Variants in KDM4B observed in about 807,000 individuals in gnomAD.
KDM4B encodes the protein lysine-specific demethylase 4B.
In KDM4B, 32 loss-of-function variants were observed where a neutral mutation model predicts 125.2. That is an observed-to-expected ratio of 0.26 (90% CI 0.19 to 0.34). The LOEUF (loss-of-function observed/expected upper bound fraction) is 0.34. KDM4B is among the 10% of genes least tolerant of loss of function. KDM4B has a pLI of 1.00. For missense variants in KDM4B, 1,190 were observed against 1,577.7 expected (o/e 0.75, Z 4.16); for synonymous variants, 721 against 677.9 (o/e 1.06, Z -0.99).
Position 5,131,297 on chromosome 19 carries a change from G to T in KDM4B, c.1537G>T (p.Val513Leu). The change falls in exon 12 of 23, where the codon GTG becomes TTG. Residue 513 changes from valine (V) to leucine (L), a missense_variant. Physicochemically the swap from Val to Leu is conservative, Grantham distance 32. Coordinates refer to ENST00000159111, the MANE Select transcript of KDM4B (RefSeq NM_015015.3). ...ACCCCTTAATGTCGTGCCCCCTGAG[G>T]TGCCCAGTGAGGAGCTAGAGGCCAA... ...PAPLNVVPPE[V>L]PSEELEAKPR... is the part of the protein sequence containing the mutation. 1.2e-6 allele frequency: 2 copies of T among 1,612,202 alleles called. No homozygotes were observed. The highest frequency in any genetic ancestry group is 1.7e-6 in the Non-Finnish European group (2 of 1,179,792).
intron 9 of KDM4B, among the ~76,000 whole-genome samples, chr19:5,098,188 A>G (rs889616602): frequency 1.3e-5 from 2 of 152,224 alleles, no homozygotes; most frequent in Admixed American, 6.5e-5. Flanking sequence ...TAGAAGCCCC[A>G]TTAACAGCAG....
intron 8 of KDM4B, chr19:5,077,761 G>T: frequency 2.5e-6 from 1 of 395,230 alleles, no homozygotes; most frequent in Non-Finnish European, 4.6e-6. Context: ...GGGGCTGCAG[G>T]GGTGGAAGGG....
chr19:4,972,841 C>G (rs2034308162), intron 1 of KDM4B, among the ~76,000 whole-genome samples: 2 of 152,214 alleles, frequency 1.3e-5, no homozygotes, highest in Non-Finnish European at 2.9e-5. Flanking sequence ...AGGGTGGCAG[C>G]TTCCACCTGA....
At chr19:5,054,520 A>G (rs1262322526) in intron 6 of KDM4B, among the ~76,000 whole-genome samples, 1 of 152,096 alleles carries the variant, frequency 6.6e-6, no homozygotes, top group Admixed American at 6.5e-5. Flanking sequence ...ACACATGTAC[A>G]TGTGTTTGTT....
chr19:5,054,457 AG>A (rs2037330034), intron 6 of KDM4B, among the ~76,000 whole-genome samples: 3 of 117,668 alleles, frequency 2.5e-5, no homozygotes, highest in Non-Finnish European at 5.3e-5. Flanking sequence ...CCTGAGAGAG[AG>A]AGAATGTGTG....
At chr19:5,038,602 C>T (rs967314302) in intron 3 of KDM4B, among the ~76,000 whole-genome samples, 14 of 152,222 alleles carry the variant, frequency 9.2e-5, no homozygotes, top group African/African-American at 3.4e-4. Flanking sequence ...CTGAGGTGGC[C>T]CAGGACCTCT....
chr19:5,072,078 T>A (rs1028844581), intron 7 of KDM4B, among the ~76,000 whole-genome samples: 1 of 152,166 alleles, frequency 6.6e-6, no homozygotes, highest in Non-Finnish European at 1.5e-5. Context: ...CCACAGCTTT[T>A]CCAGGAGCTC....
chr19:4,980,564 C>T (rs1050843710), intron 1 of KDM4B, among the ~76,000 whole-genome samples: 1 of 151,710 alleles, frequency 6.6e-6, no homozygotes, highest in Non-Finnish European at 1.5e-5. Flanking sequence ...GCTGGGATTA[C>T]AGGCACCTGC....
chr19:5,105,943 G>C (rs532078303), intron 9 of KDM4B, among the ~76,000 whole-genome samples: 1 of 152,364 alleles, frequency 6.6e-6, no homozygotes, highest in Non-Finnish European at 1.5e-5. Flanking sequence ...CCACCTTAGA[G>C]GATATGCCTT....
intron 1 of KDM4B, among the ~76,000 whole-genome samples, chr19:4,993,436 G>A (rs1372721627): frequency 2.6e-5 from 4 of 151,766 alleles, no homozygotes; most frequent in Non-Finnish European, 5.9e-5. Flanking sequence ...GAAAGTGAAG[G>A]TATTGACATC....
At chr19:4,983,118 A>G (rs888745710) in intron 1 of KDM4B, among the ~76,000 whole-genome samples, 3 of 149,982 alleles carry the variant, frequency 2.0e-5, no homozygotes, top group African/African-American at 7.4e-5. Context: ...GAGATGTTTC[A>G]CACTGCTTTT....
chr19:5,128,409 G>A (rs921503774), intron 11 of KDM4B, among the ~76,000 whole-genome samples: 1 of 152,082 alleles, frequency 6.6e-6, no homozygotes, highest in Admixed American at 6.5e-5. Flanking sequence ...AGTTGAACCC[G>A]GCTTGGGAAG....
rs543491174 is a variant in KDM4B at position 5,111,982 on chromosome 19, G to A, written c.1115+1164G>A. 202 of 627,120 alleles carry A rather than the reference G, an allele frequency of 3.2e-4. 2 individuals are homozygous for A. The South Asian group carries it at 3.5e-3, about 11-fold the overall frequency. The allele number at this position is 627,120 out of a possible 1,614,324, so 38.8% of individuals were successfully genotyped here. Reference sequence around the variant, plus strand: ...AAAAATGTGAACATTGGCCAGGCACGATCGCTCACACCTGTAATCTCTGCA... The same window carrying A: ...AAAAATGTGAACATTGGCCAGGCACAATCGCTCACACCTGTAATCTCTGCA... On this transcript the variant is annotated intron_variant, in intron 10 of 22. Coordinates refer to ENST00000159111, the MANE Select transcript of KDM4B (RefSeq NM_015015.3).
intron 9 of KDM4B, among the ~76,000 whole-genome samples, chr19:5,086,915 C>G (rs538683066): frequency 6.6e-6 from 1 of 152,250 alleles, no homozygotes; most frequent in African/African-American, 2.4e-5. Context: ...AAGGTTCCCC[C>G]GGCTGTAAAA....
chr19:5,033,094 C>G, intron 3 of KDM4B, 63 bp downstream of exon 3: 4 of 1,575,858 alleles, frequency 2.5e-6, no homozygotes, highest in Non-Finnish European at 3.5e-6. Context: ...CTGCGGACAT[C>G]CTGGGTCCCA....
Position 5,131,325 on chromosome 19 carries a change from C to T in KDM4B, c.1565C>T (p.Pro522Leu), listed in dbSNP as rs752305159. The T allele has an allele frequency of 1.2e-6, 2 of 1,612,302 alleles. No individual in the cohort carries two copies. Among genetic ancestry groups the T allele is most frequent in the Admixed American group, 1.7e-5 (1 of 59,988 alleles). ...EVPSEELEAK[P>L]RPIIPMLYVV... Reference sequence around the variant, plus strand: ...CCCAGTGAGGAGCTAGAGGCCAAGCCTCGGCCCATCATCCCCATGCTGTAC... The same window carrying T: ...CCCAGTGAGGAGCTAGAGGCCAAGCTTCGGCCCATCATCCCCATGCTGTAC... Residue 522 changes from proline to leucine, a missense_variant, in exon 12 of 23, where the codon CCT (proline) becomes CTT (leucine). Transcript: ENST00000159111.
At chr19:5,009,835 G>A (rs191652718) in intron 1 of KDM4B, among the ~76,000 whole-genome samples, 7 of 152,040 alleles carry the variant, frequency 4.6e-5, no homozygotes, top group South Asian at 2.1e-4. Flanking sequence ...AGGTTCAAGC[G>A]ATTCTCCTGC....
chr19:5,068,645 G>T (rs933978921), intron 6 of KDM4B, among the ~76,000 whole-genome samples: 3 of 152,246 alleles, frequency 2.0e-5, no homozygotes, highest in African/African-American at 4.8e-5. Flanking sequence ...GCCGTCGCTG[G>T]GTTGTTCCGA....
At chr19:5,036,323 T>A (rs1470259040) in intron 3 of KDM4B, among the ~76,000 whole-genome samples, 1 of 152,206 alleles carries the variant, frequency 6.6e-6, no homozygotes, top group Non-Finnish European at 1.5e-5. Flanking sequence ...CCGATGGAGC[T>A]CGGTGGGGGC....
Sources: allele counts gnomAD v4.1 joint callset (sites outside exome capture counted in the v4.1 genomes callset), GRCh38; gene constraint gnomAD v4.1.1; transcripts MANE v1.5; gene names NCBI Gene and HGNC (gene_info 2026-07-23, HGNC 2026-07-21).